The following NFKB1 variants were observed in gnomAD, a reference collection of about 807,000 sequenced individuals.
NFKB1 encodes nuclear factor NF-kappa-B p105 subunit.
Under a neutral mutation model 105.1 loss-of-function variants are expected in NFKB1, and 9 were observed. That is an observed-to-expected ratio of 0.09 (90% confidence interval 0.05 to 0.15). The LOEUF (loss-of-function observed/expected upper bound fraction) is 0.15, where lower values mean the gene tolerates loss of function less well. Among genes scored for constraint, NFKB1 ranks in the 10% least tolerant of loss-of-function variants. The pLI is 1.00. For missense variants in NFKB1, 830 were observed against 1,203.7 expected, an observed-to-expected ratio of 0.69 and a Z score of 4.59; for synonymous variants, 440 against 442.2, an observed-to-expected ratio of 1.00 and a Z score of 0.06.
intron 11 of NFKB1, among the ~76,000 whole-genome samples, chr4:102,592,104 T>A (rs1262689675): frequency 6.6e-6 from 1 of 152,372 alleles, no homozygotes; most frequent in African/African-American, 2.4e-5. Context: ...ACTGAACTGC[T>A]GCTCATGATT....
intron 5 of NFKB1, among the ~76,000 whole-genome samples, chr4:102,543,257 A>G (rs1560657561): frequency 1.3e-5 from 2 of 152,118 alleles, no homozygotes; most frequent in South Asian, 2.1e-4. Flanking sequence ...ACTCTCACCA[A>G]TCCTCCTCTA....
intron 19 of NFKB1, among the ~76,000 whole-genome samples, chr4:102,608,393 A>G (rs1412020055): frequency 6.6e-6 from 1 of 152,194 alleles, no homozygotes. Flanking sequence ...ATCCCACTTC[A>G]GGGTTCCAGT....
Position 102,580,527 on chromosome 4 carries a change from G to A in NFKB1, c.731-8G>A. 6.2e-7 allele frequency: 1 copy of A among 1,612,724 alleles called. No homozygotes were observed. The highest frequency in any genetic ancestry group is 8.5e-7 in the Non-Finnish European group (1 of 1,178,840). On this transcript the variant is annotated splice_region_variant and splice_polypyrimidine_tract_variant and intron_variant, in intron 8 of 23. Transcript: ENST00000226574. ...TCATGTTATTTGTTGTTTTTCCCCT[G>A]TGAACAGAAGCCCCCAATGCATCCA...
At position 102,550,056 on chromosome 4, in the gene NFKB1, G is replaced by A. The variant is rs147271343; in HGVS notation, c.258+12100G>A. Among the ~76,000 whole-genome samples the A allele has an allele frequency of 1.1e-3, 172 of 151,646 alleles. No individual in the cohort carries two copies. The Middle Eastern group carries it at 0.027, about 24-fold the overall frequency. ...GTCACTTTTCCTGGTTTTTTTAAAAGAGCTTTCTTCATTCTTCTTTAAAAA... is the reference window on the plus strand; with the variant it reads ...GTCACTTTTCCTGGTTTTTTTAAAAAAGCTTTCTTCATTCTTCTTTAAAAA... On this transcript the variant is annotated intron_variant, in intron 5 of 23. Coordinates refer to ENST00000226574, the MANE Select transcript of NFKB1 (RefSeq NM_003998.4).
At chr4:102,528,951 C>T (rs1243393846) in intron 2 of NFKB1, among the ~76,000 whole-genome samples, 1 of 151,998 alleles carries the variant, frequency 6.6e-6, no homozygotes, top group Non-Finnish European at 1.5e-5. Flanking sequence ...GCCTTTTGAG[C>T]TTCTAGTGGC....
At chr4:102,566,609 C>T (rs917013979) in intron 5 of NFKB1, among the ~76,000 whole-genome samples, 1 of 152,240 alleles carries the variant, frequency 6.6e-6, no homozygotes, top group Admixed American at 6.5e-5. Flanking sequence ...AATCATTTAC[C>T]CAGCTTTTGT....
chr4:102,538,734 A>G (rs1161354550), intron 5 of NFKB1, among the ~76,000 whole-genome samples: 6 of 152,202 alleles, frequency 3.9e-5, no homozygotes, highest in Admixed American at 3.9e-4. Flanking sequence ...TAGACTGGTA[A>G]TCATTTTGCA....
intron 1 of NFKB1, among the ~76,000 whole-genome samples, chr4:102,515,302 G>A (rs1740092611): frequency 6.7e-6 from 1 of 150,246 alleles, no homozygotes; most frequent in African/African-American, 2.4e-5. Context: ...AGTAGAGACG[G>A]GGTTTCACCG....
intron 10 of NFKB1, among the ~76,000 whole-genome samples, chr4:102,583,962 G>A (rs1310127459): frequency 6.6e-6 from 1 of 152,128 alleles, no homozygotes; most frequent in African/African-American, 2.4e-5. Context: ...TTTAAAAGAT[G>A]GGTGTAGAAC....
intron 9 of NFKB1, among the ~76,000 whole-genome samples, chr4:102,581,931 C>T (rs191063402): frequency 6.6e-6 from 1 of 152,312 alleles, no homozygotes; most frequent in East Asian, 1.9e-4. Context: ...TTTATCCATT[C>T]CTAGTATTTC....
chr4:102,577,964 A>G (rs1725000953), intron 7 of NFKB1: 1 of 985,260 alleles, frequency 1.0e-6, no homozygotes, highest in African/African-American at 1.7e-5. Context: ...TTGCCTACAA[A>G]ATCCAAATTC....
At chr4:102,543,949 G>A (rs988320687) in intron 5 of NFKB1, among the ~76,000 whole-genome samples, 3 of 152,092 alleles carry the variant, frequency 2.0e-5, no homozygotes, top group African/African-American at 7.2e-5. Flanking sequence ...TATTTAATTA[G>A]GGAAAATAAC....
intron 6 of NFKB1, among the ~76,000 whole-genome samples, 167 bp from the exon 7 acceptor site, chr4:102,576,709 A>G (rs1191386975): frequency 6.6e-6 from 1 of 152,148 alleles, no homozygotes; most frequent in Non-Finnish European, 1.5e-5. Flanking sequence ...CCTTTTTAAC[A>G]TCAAAAATAC....
At chr4:102,532,362 C>A (rs953627585) in intron 3 of NFKB1, among the ~76,000 whole-genome samples, 3 of 152,166 alleles carry the variant, frequency 2.0e-5, no homozygotes, top group Non-Finnish European at 4.4e-5. Context: ...GGTGAGGTGG[C>A]TCACGCCTGT....
At chr4:102,523,362 G>C (rs1740689249) in intron 1 of NFKB1, among the ~76,000 whole-genome samples, 1 of 152,190 alleles carries the variant, frequency 6.6e-6, no homozygotes, top group Admixed American at 6.5e-5. Flanking sequence ...GAAGGACTCA[G>C]AGCTGCCCTT....
chr4:102,539,452 C>G (rs558409106), intron 5 of NFKB1, among the ~76,000 whole-genome samples: 1 of 152,160 alleles, frequency 6.6e-6, no homozygotes. Flanking sequence ...GTCATAGTTG[C>G]ATTTTAAGTC....
intron 6 of NFKB1, among the ~76,000 whole-genome samples, chr4:102,571,960 T>A (rs1274189337): frequency 2.0e-5 from 3 of 152,194 alleles, no homozygotes; most frequent in Non-Finnish European, 4.4e-5. Context: ...GAAATGCCAT[T>A]TGACCCAGCC....
chr4:102,563,017 C>A (rs1009301834), intron 5 of NFKB1, among the ~76,000 whole-genome samples: 1 of 152,172 alleles, frequency 6.6e-6, no homozygotes, highest in Non-Finnish European at 1.5e-5. Flanking sequence ...ACCCAAAGAG[C>A]AAAGTGGACA....
Position 102,596,238 on chromosome 4 carries a change from G to T in NFKB1, c.1401G>T (p.Glu467Asp), listed in dbSNP as rs753109613. 2 of 1,613,576 alleles carry T rather than the reference G, an allele frequency of 1.2e-6. No homozygotes were observed. The highest frequency in any genetic ancestry group is 2.2e-5 in the South Asian group (2 of 91,042). The change falls in exon 14 of 24, where the codon GAG (glutamate) becomes GAT (aspartate). Residue 467 changes from glutamate to aspartate, a missense_variant. Physicochemically the swap from Glu to Asp is conservative, Grantham distance 45. Around this residue, in one of 8 missense-constraint regions of NFKB1, gnomAD observed 163 missense variants for 164.3 expected, o/e 0.99. Coordinates refer to ENST00000226574, the MANE Select transcript of NFKB1 (RefSeq NM_003998.4). ...NLFGKVIETT[E>D]QDQEPSEATV... is the part of the protein sequence containing the mutation. ...TTGGGAAAGTTATTGAAACCACAGA[G>T]CAAGATCAGGAGCCCAGCGAGGCCA...
Sources: allele counts gnomAD v4.1 joint callset (sites outside exome capture counted in the v4.1 genomes callset), GRCh38; gene constraint gnomAD v4.1.1; regional missense constraint gnomAD v4.1.1; transcripts MANE v1.5; gene names NCBI Gene and HGNC (gene_info 2026-07-23, HGNC 2026-07-21).